Variants in ANKFY1 observed in about 807,000 individuals in gnomAD.
ANKFY1 encodes ankyrin repeat and FYVE domain containing 1.
A neutral mutation model predicts 128.3 loss-of-function variants in ANKFY1; 47 were observed. The ratio of observed to expected loss-of-function variants is 0.37; its 90% CI spans 0.29 to 0.47. ANKFY1 has a LOEUF of 0.47. Ranked by LOEUF, ANKFY1 falls within the 20% of genes least tolerant of loss-of-function variation. The probability of loss-of-function intolerance (pLI) is 1.00; values close to 1 mark genes in which losing one functional copy is unlikely to be tolerated. For missense variants in ANKFY1, 1,222 were observed against 1,510.6 expected (o/e 0.81, Z 3.17); for synonymous variants, 553 against 601.6 (o/e 0.92, Z 1.18).
chr17:4,226,950 A>G (rs910637672), intron 3 of ANKFY1, among the ~76,000 whole-genome samples: 1 of 152,170 alleles, frequency 6.6e-6, no homozygotes, highest in African/African-American at 2.4e-5. Flanking sequence ...CTACAAACAA[A>G]TTCATAGTAA....
rs1170421991 is a variant in ANKFY1 at position 4,165,287 on chromosome 17, A to C, written c.*2492T>G. 1 of 152,240 alleles carries C rather than the reference A, an allele frequency of 6.6e-6. No individual in the cohort carries two copies. Among genetic ancestry groups the C allele is most frequent in the African/African-American group, 2.4e-5 (1 of 41,456 alleles). 9.4% of individuals were successfully genotyped at this position (152,240 alleles called of 1,614,324 possible). A position where few individuals can be genotyped will look rare whatever the true frequency, so the allele number is the denominator to read the frequency against. On this transcript the variant is annotated 3_prime_UTR_variant, in exon 25 of 25. Coordinates refer to ENST00000341657, the MANE Select transcript of ANKFY1 (RefSeq NM_001330063.2). ...ATAACAATGTTGACTGTTGCAGCAAATTATGTTTCAGTAAAGTTTACTTTT... is the reference window on the plus strand; with the variant it reads ...ATAACAATGTTGACTGTTGCAGCAACTTATGTTTCAGTAAAGTTTACTTTT...
chr17:4,219,174 C>T (rs1028712554), intron 3 of ANKFY1, among the ~76,000 whole-genome samples: 3 of 152,176 alleles, frequency 2.0e-5, no homozygotes, highest in Admixed American at 1.3e-4. Context: ...AAAGACTGTA[C>T]AGCAACTTGG....
rs1225219135 is a variant in ANKFY1, at chr17:4,169,479, G to T, written c.3287-191C>A. On this transcript the variant is annotated intron_variant, in intron 23 of 24. Coordinates refer to ENST00000341657, the MANE Select transcript of ANKFY1 (RefSeq NM_001330063.2). The surrounding 1 kb of genome is among the most constrained non-coding windows in gnomAD (Gnocchi z 5.0). Reference sequence around the variant, plus strand: ...AGAGGAGACTGGAGAATCAGCCCTTGCCCGGGAGACTTGGGGAGAAGGAAA... The same window carrying T: ...AGAGGAGACTGGAGAATCAGCCCTTTCCCGGGAGACTTGGGGAGAAGGAAA... Among the ~76,000 whole-genome samples the T allele has an allele frequency of 6.6e-6, 1 of 152,240 alleles. No homozygotes were observed. The highest frequency in any genetic ancestry group is 1.5e-5 in the Non-Finnish European group (1 of 68,040).
At chr17:4,173,846 A>C in intron 20 of ANKFY1, 63 bp downstream of exon 20, 1 of 1,563,370 alleles carries the variant, frequency 6.4e-7, no homozygotes, top group Non-Finnish European at 8.7e-7. Context: ...CCAAGGGTGC[A>C]CTGCACCCCC....
chr17:4,195,434 A>G lies in ANKFY1; in HGVS notation c.1141T>C (p.Tyr381His), dbSNP rs2059799980. 6.2e-7 allele frequency: 1 copy of G among 1,613,988 alleles called. No homozygotes were observed. The highest frequency in any genetic ancestry group is 8.5e-7 in the Non-Finnish European group (1 of 1,180,030). Reference sequence around the variant, plus strand: ...CACTGCAGCAGCTGACTGAACACATATTCATTCCCGGCCATGATGGACACA... The same window carrying G: ...CACTGCAGCAGCTGACTGAACACATGTTCATTCCCGGCCATGATGGACACA... ...LHVSIMAGNEYVFSQLLQCKQ... is the reference protein window; with the variant it reads ...LHVSIMAGNEHVFSQLLQCKQ... Residue 381 changes from tyrosine (Y) to histidine (H), a missense_variant, in exon 9 of 25, where the codon TAT becomes CAT. By Grantham distance (83) the Tyr-to-His change is moderately conservative. Coordinates refer to ENST00000341657, the MANE Select transcript of ANKFY1 (RefSeq NM_001330063.2).
chr17:4,196,580 T>C (rs2059828545), intron 8 of ANKFY1, among the ~76,000 whole-genome samples: 1 of 152,082 alleles, frequency 6.6e-6, no homozygotes, highest in Admixed American at 6.5e-5. Context: ...ATGAACACAA[T>C]AAATATTGTT....
At chr17:4,220,247 TCTTGGAAGTAGGC>T (rs1438081613) in intron 3 of ANKFY1, among the ~76,000 whole-genome samples, 2 of 152,218 alleles carry the variant, frequency 1.3e-5, no homozygotes, top group Non-Finnish European at 2.9e-5. Flanking sequence ...CCATAGTAGA[TCTTGGAAGTAGGC>T]CAAATTTCTA....
intron 10 of ANKFY1, 149 bp downstream of exon 10, chr17:4,194,829 C>T (rs1178210626): frequency 5.5e-6 from 4 of 733,030 alleles, no homozygotes; most frequent in African/African-American, 5.4e-5. Flanking sequence ...AATGACAACC[C>T]AGGCTTTTAC....
rs1297272781 is a variant in ANKFY1 at position 4,196,189 on chromosome 17, ACACT to A, written c.1104-722_1104-719del. 1.5e-4 allele frequency among the ~76,000 whole-genome samples: 16 copies of A among 109,458 alleles called. 1 individual carries two copies. Among genetic ancestry groups the A allele is most frequent in the African/African-American group, 5.3e-4 (16 of 30,190 alleles). The allele number at this position is 109,458 out of a possible 152,430, so 71.8% of individuals were successfully genotyped here. A position where few individuals can be genotyped will look rare whatever the true frequency, so the allele number is the denominator to read the frequency against. ...CACACACACACACACACACACACAC[ACACT>A]GCGAGTTTATTGCCGTTGGAGGAAA... On this transcript the variant is annotated intron_variant, in intron 8 of 24. Coordinates refer to ENST00000341657, the MANE Select transcript of ANKFY1 (RefSeq NM_001330063.2).
At chr17:4,222,723 G>A in intron 3 of ANKFY1, 1 of 905,470 alleles carries the variant, frequency 1.1e-6, no homozygotes, top group Non-Finnish European at 1.9e-6. Flanking sequence ...TTAGGGTAGG[G>A]TTTCTTGTGC....
At chr17:4,186,960 C>A in intron 11 of ANKFY1, 1 of 1,190,658 alleles carries the variant, frequency 8.4e-7, no homozygotes, top group Non-Finnish European at 1.0e-6. Context: ...CTCCTCCTGG[C>A]CAGTTTCCTC....
At chr17:4,211,041 C>CA (rs1157222059) in intron 4 of ANKFY1, among the ~76,000 whole-genome samples, 14 of 149,526 alleles carry the variant, frequency 9.4e-5, no homozygotes, top group South Asian at 6.3e-4. Flanking sequence ...ACAACAACAA[C>CA]AAAAAAAATA....
intron 4 of ANKFY1, among the ~76,000 whole-genome samples, chr17:4,212,044 T>A (rs529035083): frequency 6.6e-6 from 1 of 152,236 alleles, no homozygotes; most frequent in Non-Finnish European, 1.5e-5. Flanking sequence ...ACACTTCCTC[T>A]ATGCCAGAAT....
rs143637775 is a variant in ANKFY1 at position 4,236,962 on chromosome 17, C to T, written c.204-1072G>A. ...ACCATCCTGGCTAACATAGTGAAAC[C>T]CCGTCTCTACTAAAAATACAAAAAT... On this transcript the variant is annotated intron_variant, in intron 2 of 24. Transcript: ENST00000341657. 1.6e-3 allele frequency among the ~76,000 whole-genome samples: 241 copies of T among 151,994 alleles called. 1 individual carries two copies. Among genetic ancestry groups the T allele is most frequent in the Middle Eastern group, 6.8e-3 (2 of 294 alleles).
chr17:4,257,268 T>A (rs1405044904), intron 1 of ANKFY1, among the ~76,000 whole-genome samples: 1 of 152,170 alleles, frequency 6.6e-6, no homozygotes, highest in African/African-American at 2.4e-5. Flanking sequence ...CACCATCAAC[T>A]GCTACAGCTT....
At chr17:4,235,302 T>C (rs1053249917) in intron 3 of ANKFY1, among the ~76,000 whole-genome samples, 3 of 143,902 alleles carry the variant, frequency 2.1e-5, no homozygotes, top group South Asian at 2.2e-4. Flanking sequence ...GAGATCACTA[T>C]TGCACTCCAG....
In ANKFY1 at chr17:4,219,147, T is replaced by C. The variant is rs112942748; in HGVS notation, c.323-2029A>G. The stretch of plus-strand genomic sequence containing the variant: ...TAAGGAACATGCATTATTTGTGCAA[T>C]CTTTTTAAGTTAAAATAAAGACTGT... On this transcript the variant is annotated intron_variant, in intron 3 of 24. Coordinates refer to ENST00000341657, the MANE Select transcript of ANKFY1 (RefSeq NM_001330063.2). Among the ~76,000 whole-genome samples the C allele has an allele frequency of 7.2e-4, 109 of 152,362 alleles. 1 individual carries two copies. Among genetic ancestry groups the C allele is most frequent in the African/African-American group, 2.5e-3 (102 of 41,590 alleles).
intron 2 of ANKFY1, among the ~76,000 whole-genome samples, chr17:4,242,012 C>T (rs1297757931): frequency 2.0e-5 from 3 of 151,348 alleles, no homozygotes; most frequent in African/African-American, 7.3e-5. Flanking sequence ...TCACTTGAAC[C>T]TGGGAAGCAG....
intron 1 of ANKFY1, among the ~76,000 whole-genome samples, chr17:4,243,591 A>AT (rs1341649971): frequency 6.6e-6 from 1 of 152,106 alleles, no homozygotes. Flanking sequence ...GAGGTTACAG[A>AT]TTTCCCCTGA....
Sources: gnomAD v4.1 joint callset for allele counts (sites outside exome capture counted in the v4.1 genomes callset) on GRCh38, gnomAD v4.1.1 for gene constraint, Gnocchi (gnomAD v3.1) non-coding constraint, MANE v1.5 for transcripts, NCBI Gene and HGNC (gene_info 2026-07-23, HGNC 2026-07-21) for gene names.